The following USPL1 variants were observed in gnomAD, a reference collection of about 807,000 sequenced individuals.
The protein encoded by USPL1 is ubiquitin specific peptidase like 1, also known as SUMO-specific isopeptidase USPL1.
USPL1 carries 27 observed loss-of-function variants against 51.5 expected under a neutral mutation model. The observed-to-expected ratio is 0.52, with a 90% CI of 0.39 to 0.72. The LOEUF (loss-of-function observed/expected upper bound fraction) is 0.72, where lower values mean the gene tolerates loss of function less well. USPL1 is among the 30% of genes least tolerant of loss of function. USPL1 has a pLI of 0.00. For synonymous variants in USPL1, 451 were observed against 459.6 expected (o/e 0.98, Z 0.24); for missense variants, 1,226 against 1,268.0 (o/e 0.97, Z 0.50).
intron 3 of USPL1, among the ~76,000 whole-genome samples, chr13:30,623,959 A>T (rs1467068346): frequency 6.6e-6 from 1 of 152,204 alleles, no homozygotes; most frequent in South Asian, 2.1e-4. Flanking sequence ...ACCAATAAAC[A>T]TAAGTAAGTG....
At chr13:30,636,187 A>C (rs1050866844) in intron 4 of USPL1, among the ~76,000 whole-genome samples, 1 of 152,214 alleles carries the variant, frequency 6.6e-6, no homozygotes, top group Non-Finnish European at 1.5e-5. Context: ...CCCAGTGTTA[A>C]GTAGGTGACA....
intron 3 of USPL1, among the ~76,000 whole-genome samples, chr13:30,627,682 A>G (rs1396785755): frequency 6.6e-6 from 1 of 152,048 alleles, no homozygotes; most frequent in Admixed American, 6.6e-5. Flanking sequence ...AAAAATTTGT[A>G]TTAATTTTTA....
At chr13:30,621,632 G>C in intron 2 of USPL1, 132 bp from the exon 3 acceptor site, 1 of 675,804 alleles carries the variant, frequency 1.5e-6, no homozygotes, top group Non-Finnish European at 2.1e-6. Flanking sequence ...TGTTTGCCAT[G>C]TTTAAAATAC....
intron 3 of USPL1, among the ~76,000 whole-genome samples, chr13:30,626,508 G>T (rs888205080): frequency 6.6e-6 from 1 of 152,268 alleles, no homozygotes; most frequent in East Asian, 1.9e-4. Flanking sequence ...AGTTGTGACA[G>T]ACTATGTAGC....
rs540609894 is a variant in USPL1 at position 30,650,678 on chromosome 13, G to A, written c.1239-2470G>A. On this transcript the variant is annotated intron_variant, in intron 7 of 8. Transcript: ENST00000255304. ...GATGTTAACAAATGGGAAAAAATTT[G>A]GAATTCATTAGGCATTTGGAACTTA... Among the ~76,000 whole-genome samples, 4 of 151,614 alleles carry A rather than the reference G, an allele frequency of 2.6e-5. No homozygotes were observed. In the South Asian group the frequency reaches 8.4e-4, roughly 32 times the overall value.
At chr13:30,621,272 GT>G (rs758180582) in intron 2 of USPL1, 33 bp downstream of exon 2, 7,422 of 1,230,146 alleles carry the variant, frequency 6.0e-3, no homozygotes, top group South Asian at 7.3e-3. Context: ...TGAGTGCAAA[GT>G]TTTTTTTTTT....
chr13:30,622,998 A>G (rs912753641), intron 3 of USPL1, among the ~76,000 whole-genome samples: 1 of 152,126 alleles, frequency 6.6e-6, no homozygotes, highest in Non-Finnish European at 1.5e-5. Flanking sequence ...AAGTTATGTC[A>G]TAGAGTGGGA....
chr13:30,621,756 T>C lies in USPL1; in HGVS notation c.100-8T>C. 6.8e-7 allele frequency: 1 copy of C among 1,473,150 alleles called. No individual in the cohort carries two copies. Among genetic ancestry groups the C allele is most frequent in the Non-Finnish European group, 9.0e-7 (1 of 1,113,580 alleles). The allele number at this position is 1,473,150 out of a possible 1,614,324, so 91.3% of individuals were successfully genotyped here. ...TCTATATTTTAATTTGCTTTATTTC[T>C]CTTTTAGAATTTTGATTCAGCTAAA... On this transcript the variant is annotated splice_region_variant and splice_polypyrimidine_tract_variant and intron_variant, in intron 2 of 8. Coordinates refer to ENST00000255304, the MANE Select transcript of USPL1 (RefSeq NM_005800.5).
rs146637837 is a variant in USPL1, at chr13:30,659,135, C to T, written c.3058C>T (p.Leu1020=). 1.8e-5 allele frequency: 29 copies of T among 1,614,202 alleles called. No individual in the cohort carries two copies. In the African/African-American group the frequency reaches 2.9e-4, roughly 16 times the overall value. The stretch of plus-strand genomic sequence containing the variant: ...CAATGATGTTTCCCAGAACACACAT[C>T]TGAGACAGGACCATAATTATTGTAG... ...EFNDVSQNTH[L]RQDHNYCSPT... is the part of the protein sequence containing the mutation. The change falls in exon 9 of 9, where the codon CTG becomes TTG. Residue 1020 remains leucine, a synonymous_variant. Coordinates refer to ENST00000255304, the MANE Select transcript of USPL1 (RefSeq NM_005800.5).
In USPL1 at chr13:30,647,164, T is replaced by C. The variant is rs537574830; in HGVS notation, c.1238+107T>C. 12 of 1,253,214 alleles carry C rather than the reference T, an allele frequency of 9.6e-6. No individual in the cohort carries two copies. In the East Asian group the frequency reaches 2.3e-4, roughly 24 times the overall value. 77.6% of individuals were successfully genotyped at this position (1,253,214 alleles called of 1,614,324 possible). On this transcript the variant is annotated intron_variant, in intron 7 of 8. Coordinates refer to ENST00000255304, the MANE Select transcript of USPL1 (RefSeq NM_005800.5). ...TGACAACAACTTACCTTTCTGAAAT[T>C]TGAGTTAACATATATTTCTGGGTTG...
chr13:30,630,852 C>T lies in USPL1; in HGVS notation c.246C>T (p.Gly82=). The change falls in exon 4 of 9, where the codon GGC becomes GGT. Residue 82 remains glycine, a synonymous_variant. Transcript: ENST00000255304. ...CEDLQCIYPL[G]SKSLNNLISP... is the part of the protein sequence containing the mutation. ...CTTTCCAGTGCATCTATCCTTTGGG[C>T]TCTAAATCACTTAATAACCTAATTT... The T allele has an allele frequency of 6.2e-7, 1 of 1,607,300 alleles. No homozygotes were observed. Among genetic ancestry groups the T allele is most frequent in the South Asian group, 1.1e-5 (1 of 89,710 alleles).
At chr13:30,635,868 T>TTCC (rs1406914169) in intron 4 of USPL1, among the ~76,000 whole-genome samples, 6 of 152,184 alleles carry the variant, frequency 3.9e-5, no homozygotes, top group African/African-American at 1.4e-4. Flanking sequence ...CTAGGAAAGA[T>TTCC]ATTAGAATAT....
intron 6 of USPL1, among the ~76,000 whole-genome samples, chr13:30,643,671 G>A (rs1950979886): frequency 7.2e-6 from 1 of 139,810 alleles, no homozygotes; most frequent in South Asian, 2.3e-4. Flanking sequence ...GTGCAGCAGC[G>A]TGATCCCGGC....
intron 5 of USPL1, among the ~76,000 whole-genome samples, chr13:30,642,192 C>T (rs772995168): frequency 6.6e-5 from 10 of 152,084 alleles, no homozygotes; most frequent in Admixed American, 1.3e-4. Flanking sequence ...TCAGAGGTAA[C>T]GCAAGCAGTC....
At chr13:30,639,977 A>G (rs1302413241) in intron 5 of USPL1, among the ~76,000 whole-genome samples, 1 of 152,162 alleles carries the variant, frequency 6.6e-6, no homozygotes, top group Non-Finnish European at 1.5e-5. Context: ...GAATTTTTAA[A>G]TTATTGTTTT....
In USPL1 at chr13:30,631,038, A is replaced by C. The variant is rs959280782; in HGVS notation, c.432A>C (p.Glu144Asp). The C allele has an allele frequency of 6.2e-7, 1 of 1,614,174 alleles. No individual in the cohort carries two copies. Among genetic ancestry groups the C allele is most frequent in the African/African-American group, 1.3e-5 (1 of 75,044 alleles). Reference protein sequence around the residue: ...GKVLNSKHNGEVYDETSSNLP... With the variant: ...GKVLNSKHNGDVYDETSSNLP... The stretch of plus-strand genomic sequence containing the variant: ...TTTTGAACAGCAAACATAATGGAGA[A>C]GTATATGACGAAACCTCGTCAAACT... The change falls in exon 4 of 9, where the codon GAA becomes GAC. Residue 144 changes from glutamate to aspartate, a missense_variant. By Grantham distance (45) the Glu-to-Asp change is conservative. Coordinates refer to ENST00000255304, the MANE Select transcript of USPL1 (RefSeq NM_005800.5).
intron 3 of USPL1, 113 bp from the exon 4 acceptor site, chr13:30,630,722 C>A: frequency 8.6e-7 from 1 of 1,162,442 alleles, no homozygotes; most frequent in Non-Finnish European, 1.2e-6. Flanking sequence ...TAAATATAAC[C>A]TGTCATCAAA....
chr13:30,644,493 A>G (rs763462330), intron 6 of USPL1, among the ~76,000 whole-genome samples: 7 of 152,058 alleles, frequency 4.6e-5, no homozygotes, highest in African/African-American at 9.7e-5. Flanking sequence ...GAGCAAAGCT[A>G]ACCCTCCTGA....
rs1486950164 is a variant in USPL1 at position 30,658,306 on chromosome 13, G to C, written c.2229G>C (p.Gln743His). 1.2e-6 allele frequency: 2 copies of C among 1,614,016 alleles called. No individual in the cohort carries two copies. Among genetic ancestry groups the C allele is most frequent in the African/African-American group, 2.7e-5 (2 of 75,036 alleles). ...AAACCACAACATCTAAGTCATTACAGAATCAGTCTCTGAAAGAAAATCAGA... is the reference window on the plus strand; with the variant it reads ...AAACCACAACATCTAAGTCATTACACAATCAGTCTCTGAAAGAAAATCAGA... ...DSQTTTSKSL[Q>H]NQSLKENQKK... Residue 743 changes from glutamine to histidine, a missense_variant, in exon 9 of 9, where the codon CAG (glutamine) becomes CAC (histidine). Transcript: ENST00000255304.
Sources: gnomAD v4.1 joint callset for allele counts (sites outside exome capture counted in the v4.1 genomes callset) on GRCh38, gnomAD v4.1.1 for gene constraint, MANE v1.5 for transcripts, NCBI Gene and HGNC (gene_info 2026-07-23, HGNC 2026-07-21) for gene names.